HPDL: variants seen among roughly 807,000 people sequenced by gnomAD.
HPDL encodes the protein 4-hydroxyphenylpyruvate dioxygenase-like protein.
HPDL carries 7 observed loss-of-function variants against 9.8 expected under a neutral mutation model. The ratio of observed to expected loss-of-function variants is 0.71; its 90% CI spans 0.41 to 1.34. The LOEUF (loss-of-function observed/expected upper bound fraction) is 1.34, where lower values mean the gene tolerates loss of function less well. Among genes scored for constraint, HPDL ranks in the 40% most tolerant of loss-of-function variants. HPDL has a pLI of 0.01. For synonymous variants in HPDL, 250 were observed against 228.2 expected (o/e 1.10, Z -0.86); for missense variants, 530 against 495.1 (o/e 1.07, Z -0.67).
chr1:45,328,214 G>T lies in HPDL; in HGVS notation c.1066G>T (p.Ala356Ser). 6.2e-7 allele frequency: 1 copy of T among 1,614,242 alleles called. No individual in the cohort carries two copies. The highest frequency in any genetic ancestry group is 8.5e-7 in the Non-Finnish European group (1 of 1,180,050). Residue 356 changes from alanine to serine, a missense_variant, in exon 1 of 1, where the codon GCT becomes TCT. Ala to Ser is a moderately conservative substitution (Grantham distance 99). Transcript: ENST00000334815. Reference protein sequence around the residue: ...ATGFGQGNIRALWQSVQEQSA... With the variant: ...ATGFGQGNIRSLWQSVQEQSA... ...TGGCTTTGGTCAGGGCAACATCAGA[G>T]CTCTGTGGCAGTCCGTACAGGAGCA...
Position 45,328,373 on chromosome 1 carries a change from G to A in HPDL, c.*109G>A. 4 of 1,199,422 alleles carry A rather than the reference G, an allele frequency of 3.3e-6. No individual in the cohort carries two copies. Among genetic ancestry groups the A allele is most frequent in the Non-Finnish European group, 4.6e-6 (4 of 865,552 alleles). 74.3% of individuals were successfully genotyped at this position (1,199,422 alleles called of 1,614,324 possible). On this transcript the variant is annotated 3_prime_UTR_variant, in exon 1 of 1. Transcript: ENST00000334815. ...AACTAGTGAAAGGCTTTGCCTCCGG[G>A]GGGCAGGTGTGACTTCCATTTCATC...
chr1:45,327,893 G>A lies in HPDL; in HGVS notation c.745G>A (p.Ala249Thr), dbSNP rs1644258980. ...ACAGGACCAGGTGGAGCAGTTCCTG[G>A]CCCGGCACAAGGGGCCAGGCCTGCA... ...TRQDQVEQFL[A>T]RHKGPGLQHV... is the part of the protein sequence containing the mutation. Residue 249 changes from alanine (A) to threonine (T), a missense_variant, in exon 1 of 1, where the codon GCC (alanine) becomes ACC (threonine). Physicochemically the swap from Ala to Thr is moderately conservative, Grantham distance 58. Coordinates refer to ENST00000334815, the MANE Select transcript of HPDL (RefSeq NM_032756.4). This position sits in a 1 kb window ranked among gnomAD's most constrained non-coding sequence, Gnocchi z 6.3. 1 of 1,550,150 alleles carries A rather than the reference G, an allele frequency of 6.5e-7. No homozygotes were observed. Among genetic ancestry groups the A allele is most frequent in the East Asian group, 2.3e-5 (1 of 44,348 alleles).
In HPDL at chr1:45,327,778, G is replaced by A. The variant is rs1557437786; in HGVS notation, c.630G>A (p.Gly210=). ...GLEMTAGFGL[G]GLRLTALQAQ... is the part of the protein sequence containing the mutation. Reference sequence around the variant, plus strand: ...AAATGACAGCAGGGTTTGGGCTTGGGGGACTGAGGCTTACAGCCCTGCAGG... The same window carrying A: ...AAATGACAGCAGGGTTTGGGCTTGGAGGACTGAGGCTTACAGCCCTGCAGG... Residue 210 remains glycine (G), a synonymous_variant, in exon 1 of 1, where the codon GGG becomes GGA. Coordinates refer to ENST00000334815, the MANE Select transcript of HPDL (RefSeq NM_032756.4). This position sits in a 1 kb window ranked among gnomAD's most constrained non-coding sequence, Gnocchi z 6.3. 6.2e-7 allele frequency: 1 copy of A among 1,611,240 alleles called. No homozygotes were observed. Among genetic ancestry groups the A allele is most frequent in the Non-Finnish European group, 8.5e-7 (1 of 1,178,264 alleles).
Position 45,328,505 on chromosome 1 carries a change from G to C in HPDL, c.*241G>C, listed in dbSNP as rs1417859675. On this transcript the variant is annotated 3_prime_UTR_variant, in exon 1 of 1. Coordinates refer to ENST00000334815, the MANE Select transcript of HPDL (RefSeq NM_032756.4). ...CTATAATAAATATGTAAGATACAAA[G>C]AACAATAAAAGAATTACACACTAGG... 2.2e-6 allele frequency: 1 copy of C among 459,674 alleles called. No homozygotes were observed. The highest frequency in any genetic ancestry group is 5.9e-4 in the Middle Eastern group (1 of 1,704). 28.5% of individuals were successfully genotyped at this position (459,674 alleles called of 1,614,324 possible). A position where few individuals can be genotyped will look rare whatever the true frequency, so the allele number is the denominator to read the frequency against.
rs1418568719 is a variant in HPDL, at chr1:45,328,135, C to T, written c.987C>T (p.Ser329=). Residue 329 remains serine (S), a synonymous_variant, in exon 1 of 1, where the codon TCC becomes TCT. Coordinates refer to ENST00000334815, the MANE Select transcript of HPDL (RefSeq NM_032756.4). ...GKFLLQVFTK[S]LFTEDTFFLE... ...TTCTGCTTCAGGTCTTCACCAAGTC[C>T]CTTTTTACTGAGGACACTTTCTTCC... The T allele has an allele frequency of 6.2e-7, 1 of 1,614,218 alleles. No individual in the cohort carries two copies. The highest frequency in any genetic ancestry group is 8.5e-7 in the Non-Finnish European group (1 of 1,180,038).
rs745594303 is a variant in HPDL at position 45,327,258 on chromosome 1, G to C, written c.110G>C (p.Arg37Pro). ...RLFGFQPLAS[R>P]EVDGWRQLAL... ...TTCGGCTTCCAGCCCCTGGCTTCGCGGGAGGTGGACGGCTGGCGGCAGCTA... is the reference window on the plus strand; with the variant it reads ...TTCGGCTTCCAGCCCCTGGCTTCGCCGGAGGTGGACGGCTGGCGGCAGCTA... The change falls in exon 1 of 1, where the codon CGG becomes CCG. Residue 37 changes from arginine (R) to proline (P), a missense_variant. By Grantham distance (103) the Arg-to-Pro change is moderately radical (BLOSUM62 -2). Coordinates refer to ENST00000334815, the MANE Select transcript of HPDL (RefSeq NM_032756.4). This position sits in a 1 kb window ranked among gnomAD's most constrained non-coding sequence, Gnocchi z 6.3. The C allele has an allele frequency of 7.5e-6, 12 of 1,602,948 alleles. No homozygotes were observed. The South Asian group carries it at 1.2e-4, about 16-fold the overall frequency.
chr1:45,327,471 G>C lies in HPDL; in HGVS notation c.323G>C (p.Arg108Pro). The C allele has an allele frequency of 9.4e-6, 15 of 1,591,880 alleles. No homozygotes were observed. The highest frequency in any genetic ancestry group is 1.3e-5 in the Non-Finnish European group (15 of 1,175,436). The change falls in exon 1 of 1, where the codon CGC (arginine) becomes CCC (proline). Residue 108 changes from arginine (R) to proline (P), a missense_variant. By Grantham distance (103) the Arg-to-Pro change is moderately radical. Transcript: ENST00000334815. The surrounding 1 kb of genome is among the most constrained non-coding windows in gnomAD (Gnocchi z 6.3). The part of the protein sequence containing the change: ...LGCSVPVPPV[R>P]VRDAQGAATY... The stretch of plus-strand genomic sequence containing the variant: ...TGCAGCGTGCCTGTCCCTCCCGTTC[G>C]CGTGCGGGACGCGCAGGGTGCCGCC...
In HPDL at chr1:45,327,535, C is replaced by T. The variant is rs1428540391; in HGVS notation, c.387C>T (p.Ser129=). Reference sequence around the variant, plus strand: ...TCAGCTCGCCTGCCGGCATCCTCAGCCTGACCTTGCTGGAGCGCGCTGGCT... The same window carrying T: ...TCAGCTCGCCTGCCGGCATCCTCAGTCTGACCTTGCTGGAGCGCGCTGGCT... ...AVVSSPAGIL[S]LTLLERAGYR... Residue 129 remains serine (S), a synonymous_variant, in exon 1 of 1, where the codon AGC becomes AGT. Coordinates refer to ENST00000334815, the MANE Select transcript of HPDL (RefSeq NM_032756.4). This position sits in a 1 kb window ranked among gnomAD's most constrained non-coding sequence, Gnocchi z 6.3. The T allele has an allele frequency of 1.2e-6, 2 of 1,606,662 alleles. No individual in the cohort carries two copies. The highest frequency in any genetic ancestry group is 1.1e-5 in the South Asian group (1 of 90,884).
In HPDL at chr1:45,328,056, A is replaced by C; in HGVS notation, c.908A>C (p.Glu303Ala). The C allele has an allele frequency of 6.2e-7, 1 of 1,614,234 alleles. No homozygotes were observed. Among genetic ancestry groups the C allele is most frequent in the Non-Finnish European group, 8.5e-7 (1 of 1,180,044 alleles). The stretch of plus-strand genomic sequence containing the variant: ...AGGCAGATCCGAGCTGCAGGGCACG[A>C]GCCTCATCTGCTTGCTCGACAGGGG... ...KERQIRAAGH[E>A]PHLLARQGIL... The change falls in exon 1 of 1, where the codon GAG becomes GCG. Residue 303 changes from glutamate to alanine, a missense_variant. By Grantham distance (107) the Glu-to-Ala change is moderately radical. Transcript: ENST00000334815.
chr1:45,327,407 G>C lies in HPDL; in HGVS notation c.259G>C (p.Asp87His). Residue 87 changes from aspartate (D) to histidine (H), a missense_variant, in exon 1 of 1, where the codon GAC (aspartate) becomes CAC (histidine). Asp to His is a moderately conservative substitution (Grantham distance 81). Transcript: ENST00000334815. The surrounding 1 kb of genome is among the most constrained non-coding windows in gnomAD (Gnocchi z 6.3). ...CACAAACCTGTGCTTCGACGTGGCG[G>C]ACGCCGGCGCTGCAACCCGGGAGCT... ...SATNLCFDVA[D>H]AGAATRELAA... is the part of the protein sequence containing the mutation. 1 of 1,584,868 alleles carries C rather than the reference G, an allele frequency of 6.3e-7. No individual in the cohort carries two copies. The highest frequency in any genetic ancestry group is 1.3e-5 in the African/African-American group (1 of 74,564).
In HPDL at chr1:45,328,088, C is replaced by G; in HGVS notation, c.940C>G (p.Leu314Val). 6.2e-7 allele frequency: 1 copy of G among 1,614,230 alleles called. No homozygotes were observed. The highest frequency in any genetic ancestry group is 8.5e-7 in the Non-Finnish European group (1 of 1,180,032). The change falls in exon 1 of 1, where the codon CTA becomes GTA. Residue 314 changes from leucine to valine, a missense_variant. Transcript: ENST00000334815. ...PHLLARQGIL[L>V]DGDKGKFLLQ... ...TCTGCTTGCTCGACAGGGGATCCTG[C>G]TAGATGGTGATAAAGGCAAGTTTCT... is the stretch of plus-strand genomic sequence containing the variant.
In HPDL at chr1:45,327,703, C is replaced by A; in HGVS notation, c.555C>A (p.Gly185=). 1.2e-6 allele frequency: 2 copies of A among 1,610,878 alleles called. No individual in the cohort carries two copies. The highest frequency in any genetic ancestry group is 1.7e-6 in the Non-Finnish European group (2 of 1,177,992). ...TLLRWFHDCL[G]FCHLPLSPGE... ...TGCGCTGGTTCCACGACTGCCTGGG[C>A]TTTTGCCACTTGCCGCTGAGCCCAG... The change falls in exon 1 of 1, where the codon GGC becomes GGA. Residue 185 remains glycine, a synonymous_variant. Coordinates refer to ENST00000334815, the MANE Select transcript of HPDL (RefSeq NM_032756.4). This position sits in a 1 kb window ranked among gnomAD's most constrained non-coding sequence, Gnocchi z 6.3.
chr1:45,328,536 G>A lies in HPDL; in HGVS notation c.*272G>A, dbSNP rs1412401612. ...TAAAAGAATTACACACTAGGAAATA[G>A]AACATAACCAATACTTTCGAGTCCT... On this transcript the variant is annotated 3_prime_UTR_variant, in exon 1 of 1. Coordinates refer to ENST00000334815, the MANE Select transcript of HPDL (RefSeq NM_032756.4). 5.0e-6 allele frequency: 2 copies of A among 401,786 alleles called. No individual in the cohort carries two copies. The highest frequency in any genetic ancestry group is 8.0e-5 in the East Asian group (2 of 24,950). The allele number at this position is 401,786 out of a possible 1,614,324, so 24.9% of individuals were successfully genotyped here.
Position 45,328,074 on chromosome 1 carries a change from G to C in HPDL, c.926G>C (p.Arg309Pro). The C allele has an allele frequency of 6.2e-7, 1 of 1,614,250 alleles. No homozygotes were observed. The highest frequency in any genetic ancestry group is 2.2e-5 in the East Asian group (1 of 44,888). Reference sequence around the variant, plus strand: ...GGGCACGAGCCTCATCTGCTTGCTCGACAGGGGATCCTGCTAGATGGTGAT... The same window carrying C: ...GGGCACGAGCCTCATCTGCTTGCTCCACAGGGGATCCTGCTAGATGGTGAT... ...AAGHEPHLLA[R>P]QGILLDGDKG... The change falls in exon 1 of 1, where the codon CGA (arginine) becomes CCA (proline). Residue 309 changes from arginine (R) to proline (P), a missense_variant. Coordinates refer to ENST00000334815, the MANE Select transcript of HPDL (RefSeq NM_032756.4).
At position 45,328,374 on chromosome 1, in the gene HPDL, G is replaced by A. The variant is rs1046022376; in HGVS notation, c.*110G>A. 4 of 1,167,576 alleles carry A rather than the reference G, an allele frequency of 3.4e-6. No individual in the cohort carries two copies. The highest frequency in any genetic ancestry group is 4.8e-6 in the Non-Finnish European group (4 of 837,404). 72.3% of individuals were successfully genotyped at this position (1,167,576 alleles called of 1,614,324 possible). ...ACTAGTGAAAGGCTTTGCCTCCGGG[G>A]GGCAGGTGTGACTTCCATTTCATCA... On this transcript the variant is annotated 3_prime_UTR_variant, in exon 1 of 1. Coordinates refer to ENST00000334815, the MANE Select transcript of HPDL (RefSeq NM_032756.4).
At position 45,327,593 on chromosome 1, in the gene HPDL, G is replaced by A. The variant is rs762929394; in HGVS notation, c.445G>A (p.Val149Met). The A allele has an allele frequency of 6.2e-7, 1 of 1,611,634 alleles. No individual in the cohort carries two copies. Among genetic ancestry groups the A allele is most frequent in the Non-Finnish European group, 8.5e-7 (1 of 1,179,766 alleles). ...RGPFLPGFRP[V>M]SSAPGPGWVS... ...ACCCTTCCTACCCGGCTTCAGGCCCGTGTCCTCTGCGCCTGGCCCCGGGTG... is the reference window on the plus strand; with the variant it reads ...ACCCTTCCTACCCGGCTTCAGGCCCATGTCCTCTGCGCCTGGCCCCGGGTG... The change falls in exon 1 of 1, where the codon GTG becomes ATG. Residue 149 changes from valine (V) to methionine (M), a missense_variant. Physicochemically the swap from Val to Met is conservative, Grantham distance 21. Coordinates refer to ENST00000334815, the MANE Select transcript of HPDL (RefSeq NM_032756.4). The surrounding 1 kb of genome is among the most constrained non-coding windows in gnomAD (Gnocchi z 6.3).
In HPDL at chr1:45,326,995, T is replaced by C; in HGVS notation, c.-154T>C. 1 of 756,864 alleles carries C rather than the reference T, an allele frequency of 1.3e-6. No individual in the cohort carries two copies. Among genetic ancestry groups the C allele is most frequent in the African/African-American group, 1.8e-5 (1 of 54,434 alleles). The allele number at this position is 756,864 out of a possible 1,614,324, so 46.9% of individuals were successfully genotyped here. Reference sequence around the variant, plus strand: ...CCGCGAGCTCTCAGGGGTCGGCGGGTGACTTCTTTCCGGAAGAAAGCGAGG... The same window carrying C: ...CCGCGAGCTCTCAGGGGTCGGCGGGCGACTTCTTTCCGGAAGAAAGCGAGG... On this transcript the variant is annotated 5_prime_UTR_variant, in exon 1 of 1. Transcript: ENST00000334815.
rs1397266967 is a variant in HPDL, at chr1:45,327,939, C to T, written c.791C>T (p.Pro264Leu). 2 of 1,589,704 alleles carry T rather than the reference C, an allele frequency of 1.3e-6. No homozygotes were observed. ...CTGCAGCACGTGGGGCTGTATACGC[C>T]TAACATTGTGGAGGCCACTGAGGGG... ...PGLQHVGLYT[P>L]NIVEATEGVA... Residue 264 changes from proline (P) to leucine (L), a missense_variant, in exon 1 of 1, where the codon CCT becomes CTT. Pro to Leu is a moderately conservative substitution (Grantham distance 98). Transcript: ENST00000334815. The surrounding 1 kb of genome is among the most constrained non-coding windows in gnomAD (Gnocchi z 6.3).
rs1163191369 is a variant in HPDL, at chr1:45,327,928, G to C, written c.780G>C (p.Gly260=). 6 of 1,575,232 alleles carry C rather than the reference G, an allele frequency of 3.8e-6. No homozygotes were observed. Among genetic ancestry groups the C allele is most frequent in the African/African-American group, 1.3e-5 (1 of 74,114 alleles). Residue 260 remains glycine, a synonymous_variant, in exon 1 of 1, where the codon GGG becomes GGC. Transcript: ENST00000334815. This position sits in a 1 kb window ranked among gnomAD's most constrained non-coding sequence, Gnocchi z 6.3. The part of the protein sequence containing the change: ...RHKGPGLQHV[G]LYTPNIVEAT... ...AGGGGCCAGGCCTGCAGCACGTGGG[G>C]CTGTATACGCCTAACATTGTGGAGG...
Sources: gnomAD v4.1 joint callset for allele counts on GRCh38, gnomAD v4.1.1 for gene constraint, Gnocchi (gnomAD v3.1) non-coding constraint, MANE v1.5 for transcripts, NCBI Gene and HGNC (gene_info 2026-07-23, HGNC 2026-07-21) for gene names.